CDC42BPB: variants seen among roughly 807,000 people sequenced by gnomAD.
The protein encoded by CDC42BPB is serine/threonine-protein kinase MRCK beta.
In CDC42BPB, 37 loss-of-function variants were observed where a neutral mutation model predicts 214.9. That is an observed-to-expected ratio of 0.17 (90% confidence interval 0.13 to 0.23). The LOEUF is 0.23. Ranked by LOEUF, CDC42BPB falls within the 10% of genes least tolerant of loss-of-function variation. The pLI, the probability that CDC42BPB is intolerant of heterozygous loss-of-function variation, is 1.00. For missense variants in CDC42BPB, 1,694 were observed against 2,227.0 expected (o/e 0.76, Z 4.82); for synonymous variants, 931 against 884.0 (o/e 1.05, Z -0.94).
At chr14:103,012,021 T>G in intron 2 of CDC42BPB, 76 bp downstream of exon 2, 1 of 900,668 alleles carries the variant, frequency 1.1e-6, no homozygotes, top group Non-Finnish European at 1.9e-6. Flanking sequence ...AATGTATAGG[T>G]GCACAAAAAG....
Position 102,978,191 on chromosome 14 carries a change from A to G in CDC42BPB, c.1155T>C (p.Pro385=). The part of the protein sequence containing the change: ...DVLRNTEILP[P]GSHTGFSGLH... ...ATCCAGAAAAGCCTGTGTGAGAACC[A>G]GGAGGTAATATTTCCTGCATAAGAA... The change falls in exon 9 of 37, where the codon CCT becomes CCC. Residue 385 remains proline (P), a synonymous_variant. Coordinates refer to ENST00000361246, the MANE Select transcript of CDC42BPB (RefSeq NM_006035.4). The G allele has an allele frequency of 6.2e-7, 1 of 1,613,554 alleles. No homozygotes were observed. Among genetic ancestry groups the G allele is most frequent in the Non-Finnish European group, 8.5e-7 (1 of 1,179,460 alleles).
In CDC42BPB at chr14:102,961,694, C is replaced by A. The variant is rs921657592; in HGVS notation, c.2821+1367G>T. On this transcript the variant is annotated intron_variant, in intron 20 of 36. Coordinates refer to ENST00000361246, the MANE Select transcript of CDC42BPB (RefSeq NM_006035.4). Reference sequence around the variant, plus strand: ...GAGTAGCTGGGATTACAGGCATGCACCACCACGCCCAGCTAATTTTGTATT... The same window carrying A: ...GAGTAGCTGGGATTACAGGCATGCAACACCACGCCCAGCTAATTTTGTATT... Among the ~76,000 whole-genome samples the A allele has an allele frequency of 7.9e-5, 12 of 152,250 alleles. No individual in the cohort carries two copies. In the East Asian group the frequency reaches 2.1e-3, roughly 27 times the overall value.
intron 26 of CDC42BPB, among the ~76,000 whole-genome samples, chr14:102,949,549 C>T (rs1170701784): frequency 6.6e-6 from 1 of 152,168 alleles, no homozygotes; most frequent in Non-Finnish European, 1.5e-5. Flanking sequence ...CTACAGCGCT[C>T]CCGTTCCTGC....
At position 102,964,630 on chromosome 14, in the gene CDC42BPB, G is replaced by A. The variant is rs1363238705; in HGVS notation, c.2598C>T (p.Arg866=). 2 of 1,613,346 alleles carry A rather than the reference G, an allele frequency of 1.2e-6. No homozygotes were observed. The highest frequency in any genetic ancestry group is 1.1e-5 in the South Asian group (1 of 91,024). ...CGGACATGTCCAGCTTCTGGCTGCG[G>A]CGCACCTTCCACAGCGGGTCCTTGA... The part of the protein sequence containing the change: ...SRTLDPLWKV[R]RSQKLDMSAR... The change falls in exon 19 of 37, where the codon CGC becomes CGT. Residue 866 remains arginine, a synonymous_variant. Coordinates refer to ENST00000361246, the MANE Select transcript of CDC42BPB (RefSeq NM_006035.4).
chr14:103,053,558 G>C (rs139463482), intron 1 of CDC42BPB, among the ~76,000 whole-genome samples: 34 of 151,394 alleles, frequency 2.2e-4, no homozygotes, highest in Admixed American at 7.2e-4. Context: ...TCTGGAGATC[G>C]AGACCATCCT....
chr14:102,967,238 C>T, intron 16 of CDC42BPB, 68 bp from the exon 17 acceptor site: 1 of 1,532,940 alleles, frequency 6.5e-7, no homozygotes, highest in Non-Finnish European at 8.8e-7. Context: ...GGATTTAACA[C>T]TGGAAGTTCT....
At chr14:102,935,371 T>C (rs1026398175) in intron 36 of CDC42BPB, among the ~76,000 whole-genome samples, 1 of 150,542 alleles carries the variant, frequency 6.6e-6, no homozygotes, top group Non-Finnish European at 1.5e-5. Context: ...TCCAAAAGAA[T>C]AGCTAGGAAT....
intron 11 of CDC42BPB, 39 bp downstream of exon 11, chr14:102,975,644 CA>C (rs1566873745): frequency 6.2e-7 from 1 of 1,603,616 alleles, no homozygotes; most frequent in Non-Finnish European, 8.5e-7. Context: ...CAGTAATGAC[CA>C]AAAATAGAGA....
chr14:103,002,742 GC>G (rs1895046112), intron 4 of CDC42BPB, among the ~76,000 whole-genome samples: 1 of 152,100 alleles, frequency 6.6e-6, no homozygotes, highest in South Asian at 2.1e-4. Context: ...GCCTCCCTCT[GC>G]CCCAGACACC....
intron 22 of CDC42BPB, 128 bp from the exon 23 acceptor site, chr14:102,954,403 A>G: frequency 6.9e-7 from 1 of 1,443,086 alleles, no homozygotes; most frequent in African/African-American, 1.4e-5. Flanking sequence ...ATTTGCTACA[A>G]TGTTGAGACA....
At chr14:103,044,924 GTGTGGTGGCTCACACC>G (rs1418069605) in intron 1 of CDC42BPB, among the ~76,000 whole-genome samples, 2 of 151,650 alleles carry the variant, frequency 1.3e-5, no homozygotes, top group Non-Finnish European at 2.9e-5. Context: ...GATGGGTCAG[GTGTGGTGGCTCACACC>G]TGTAATCCCA....
intron 28 of CDC42BPB, among the ~76,000 whole-genome samples, chr14:102,946,109 T>C (rs1228950188): frequency 6.6e-6 from 1 of 152,084 alleles, no homozygotes; most frequent in Non-Finnish European, 1.5e-5. Context: ...CCTGGGTTCA[T>C]GCTGTTCTCC....
At chr14:102,983,215 C>T (rs546220771) in intron 7 of CDC42BPB, among the ~76,000 whole-genome samples, 21 of 152,302 alleles carry the variant, frequency 1.4e-4, no homozygotes, top group Non-Finnish European at 2.8e-4. Context: ...TCACTCCATG[C>T]GCCTGTGCAG....
At position 102,937,716 on chromosome 14, in the gene CDC42BPB, A is replaced by G. The variant is rs35978312; in HGVS notation, c.5004+388T>C. On this transcript the variant is annotated intron_variant, in intron 36 of 36. Coordinates refer to ENST00000361246, the MANE Select transcript of CDC42BPB (RefSeq NM_006035.4). ...CACTCTGACACCAAGCGCCATCCCA[A>G]GGGAGGGGCAGACAGACCAACCAAT... 9.8e-3 allele frequency among the ~76,000 whole-genome samples: 1,488 copies of G among 152,360 alleles called. 17 individuals carry two copies. The highest frequency in any genetic ancestry group is 0.034 in the African/African-American group (1,430 of 41,578).
chr14:102,948,909 G>T (rs1191847350), intron 26 of CDC42BPB, among the ~76,000 whole-genome samples: 1 of 151,902 alleles, frequency 6.6e-6, no homozygotes, highest in South Asian at 2.1e-4. Flanking sequence ...TGCCCCGGGG[G>T]AAGGGACATG....
chr14:102,976,141 T>TCAC, intron 9 of CDC42BPB, 92 bp from the exon 10 acceptor site: 1 of 1,534,730 alleles, frequency 6.5e-7, no homozygotes, highest in Non-Finnish European at 8.7e-7. Context: ...AGATAGTCTT[T>TCAC]TTAAATCAGC....
At chr14:102,961,669 G>C (rs1892967383) in intron 20 of CDC42BPB, among the ~76,000 whole-genome samples, 1 of 152,134 alleles carries the variant, frequency 6.6e-6, no homozygotes, top group South Asian at 2.1e-4. Flanking sequence ...TCAGCCTCCT[G>C]AGTAGCTGGG....
chr14:102,966,602 A>C, intron 17 of CDC42BPB: 1 of 755,912 alleles, frequency 1.3e-6, no homozygotes, highest in Non-Finnish European at 1.6e-6. Flanking sequence ...CAAACTTCCA[A>C]GACTCAAGAA....
At position 102,963,339 on chromosome 14, in the gene CDC42BPB, A is replaced by G. The variant is rs569382287; in HGVS notation, c.2727-184T>C. The G allele has an allele frequency of 7.3e-6, 7 of 952,586 alleles. No homozygotes were observed. In the African/African-American group the frequency reaches 1.2e-4, roughly 17 times the overall value. The allele number at this position is 952,586 out of a possible 1,614,324, so 59.0% of individuals were successfully genotyped here. A position where few individuals can be genotyped will look rare whatever the true frequency, so the allele number is the denominator to read the frequency against. On this transcript the variant is annotated intron_variant, in intron 19 of 36. Transcript: ENST00000361246. Reference sequence around the variant, plus strand: ...GAACAGTACGAATATTTCAAATATAAACATTCAAACAGGAATTTAAAAAGT... The same window carrying G: ...GAACAGTACGAATATTTCAAATATAGACATTCAAACAGGAATTTAAAAAGT...
Sources: gnomAD v4.1 joint callset for allele counts (sites outside exome capture counted in the v4.1 genomes callset) on GRCh38, gnomAD v4.1.1 for gene constraint, MANE v1.5 for transcripts, NCBI Gene and HGNC (gene_info 2026-07-23, HGNC 2026-07-21) for gene names.